PTPRD: variants seen among roughly 807,000 people sequenced by gnomAD.
PTPRD encodes protein tyrosine phosphatase receptor type D.
PTPRD carries 34 observed loss-of-function variants against 214.5 expected under a neutral mutation model. The ratio of observed to expected loss-of-function variants is 0.16; its 90% CI spans 0.12 to 0.21. The LOEUF (loss-of-function observed/expected upper bound fraction) is 0.21, where lower values mean the gene tolerates loss of function less well. Ranked by LOEUF, PTPRD falls within the 10% of genes least tolerant of loss-of-function variation. The pLI is 1.00. For synonymous variants in PTPRD, 1,128 were observed against 845.7 expected, an observed-to-expected ratio of 1.33 and a Z score of -5.79; for missense variants, 2,545 against 2,398.7, an observed-to-expected ratio of 1.06 and a Z score of -1.27.
chr9:8,832,492 GAA>G (rs2097317481), intron 11 of PTPRD, among the ~76,000 whole-genome samples: 1 of 141,298 alleles, frequency 7.1e-6, no homozygotes, highest in East Asian at 2.1e-4. Context: ...ACAAGTAAGA[GAA>G]AAAGTCAATT....
At chr9:9,346,896 T>C (rs922407584) in intron 9 of PTPRD, among the ~76,000 whole-genome samples, 18 of 152,070 alleles carry the variant, frequency 1.2e-4, no homozygotes, top group African/African-American at 4.3e-4. Context: ...TTTCACCATG[T>C]TGGCCAGGCT....
intron 8 of PTPRD, among the ~76,000 whole-genome samples, chr9:9,490,547 A>G (rs942752005): frequency 2.0e-5 from 3 of 152,054 alleles, no homozygotes; most frequent in African/African-American, 7.2e-5. Flanking sequence ...TTTTGGGTAC[A>G]CAATGTATAA....
chr9:9,432,288 T>C (rs2083501889), intron 8 of PTPRD, among the ~76,000 whole-genome samples: 2 of 152,064 alleles, frequency 1.3e-5, no homozygotes, highest in African/African-American at 4.8e-5. Flanking sequence ...TTCTGAAGCA[T>C]GTCAGTTTCT....
At chr9:10,131,277 T>C (rs1444026845) in intron 3 of PTPRD, among the ~76,000 whole-genome samples, 1 of 152,090 alleles carries the variant, frequency 6.6e-6, no homozygotes, top group Non-Finnish European at 1.5e-5. Context: ...CTAAGTTCTG[T>C]CCCTTAGACA....
At chr9:8,537,154 T>A (rs546106837) in intron 14 of PTPRD, among the ~76,000 whole-genome samples, 210 of 152,084 alleles carry the variant, frequency 1.4e-3, no homozygotes, top group African/African-American at 3.8e-3. Context: ...TGTAAGTGAA[T>A]TGAATAAGGG....
intron 12 of PTPRD, among the ~76,000 whole-genome samples, chr9:8,674,301 C>G (rs1174918578): frequency 6.6e-6 from 1 of 151,430 alleles, no homozygotes; most frequent in African/African-American, 2.4e-5. Context: ...CTACTAAAAA[C>G]ACAAAAATTA....
At chr9:8,916,859 T>A (rs1395125847) in intron 11 of PTPRD, among the ~76,000 whole-genome samples, 1 of 152,172 alleles carries the variant, frequency 6.6e-6, no homozygotes, top group Non-Finnish European at 1.5e-5. Flanking sequence ...TATTTACATA[T>A]ATCAATGCAT....
At chr9:10,044,612 T>C (rs1462355052) in intron 3 of PTPRD, among the ~76,000 whole-genome samples, 3 of 151,810 alleles carry the variant, frequency 2.0e-5, no homozygotes, top group Non-Finnish European at 1.5e-5. Context: ...TCTCATTTAA[T>C]TGTCGCTAGA....
chr9:9,382,150 G>A (rs1423357508), intron 9 of PTPRD, among the ~76,000 whole-genome samples: 1 of 141,862 alleles, frequency 7.0e-6, no homozygotes, highest in Admixed American at 7.2e-5. Context: ...ATTGTAAATG[G>A]GATTTTTTTT....
chr9:9,246,999 C>CCA (rs56168866), intron 9 of PTPRD, among the ~76,000 whole-genome samples: 94,878 of 151,550 alleles, frequency 0.63, 29,957 homozygotes, highest in Non-Finnish European at 0.66. Flanking sequence ...TCATTTTCCC[C>CCA]GAGTGACTCA....
At chr9:10,547,107 A>T (rs2060329660) in intron 2 of PTPRD, among the ~76,000 whole-genome samples, 1 of 152,062 alleles carries the variant, frequency 6.6e-6, no homozygotes, top group African/African-American at 2.4e-5. Flanking sequence ...AAACTTTCTT[A>T]TTTCAAGTCA....
At chr9:10,007,829 G>A (rs2096519422) in intron 4 of PTPRD, among the ~76,000 whole-genome samples, 1 of 151,900 alleles carries the variant, frequency 6.6e-6, no homozygotes, top group Non-Finnish European at 1.5e-5. Context: ...TACAATTGAT[G>A]CATAACAATC....
At chr9:8,414,977 G>A (rs1209814255) in intron 35 of PTPRD, among the ~76,000 whole-genome samples, 1 of 147,606 alleles carries the variant, frequency 6.8e-6, no homozygotes, top group East Asian at 2.0e-4. Context: ...GAGAGAGACA[G>A]ACAGACAGGG....
At chr9:9,834,325 T>C (rs2056059620) in intron 5 of PTPRD, among the ~76,000 whole-genome samples, 2 of 151,830 alleles carry the variant, frequency 1.3e-5, no homozygotes, top group Non-Finnish European at 2.9e-5. Flanking sequence ...CTCCATGCTA[T>C]GAAAAAAGAA....
chr9:8,454,363 G>C (rs575088061), intron 33 of PTPRD, among the ~76,000 whole-genome samples: 1 of 152,002 alleles, frequency 6.6e-6, no homozygotes, highest in African/African-American at 2.4e-5. Context: ...TTTAAACTTC[G>C]CCTTTAATCT....
intron 6 of PTPRD, among the ~76,000 whole-genome samples, chr9:9,756,678 C>G (rs1296314083): frequency 6.6e-6 from 1 of 152,076 alleles, no homozygotes; most frequent in African/African-American, 2.4e-5. Flanking sequence ...TGTGAATGTA[C>G]TAACTGCCAC....
At chr9:10,420,235 G>C (rs1466860055) in intron 2 of PTPRD, among the ~76,000 whole-genome samples, 2 of 151,752 alleles carry the variant, frequency 1.3e-5, no homozygotes, top group African/African-American at 4.8e-5. Context: ...ATTTCTATCA[G>C]GAATTAACAT....
intron 7 of PTPRD, among the ~76,000 whole-genome samples, chr9:9,678,288 T>G (rs865875500): frequency 4.2e-4 from 64 of 152,240 alleles, no homozygotes; most frequent in African/African-American, 1.5e-3. Context: ...AGAAGAAAGC[T>G]GGAGGCATCA....
intron 9 of PTPRD, among the ~76,000 whole-genome samples, chr9:9,275,082 AATATATATGTTATATATATAATATATT>A (rs1944589737): frequency 3.0e-5 from 2 of 65,828 alleles, no homozygotes; most frequent in Non-Finnish European, 5.8e-5. Context: ...ATATATATAT[AATATATATGTTATATATATAATATATT>A]ATATATATAT....
Sources: allele counts gnomAD v4.1 joint callset (sites outside exome capture counted in the v4.1 genomes callset), GRCh38; gene constraint gnomAD v4.1.1; transcripts MANE v1.5; gene names NCBI Gene and HGNC (gene_info 2026-07-23, HGNC 2026-07-21).